ST8SIA5: variants seen among roughly 807,000 people sequenced by gnomAD.
ST8SIA5 encodes the protein ST8 alpha-N-acetyl-neuraminide alpha-2,8-sialyltransferase 5, also known as alpha-2,8-sialyltransferase 8E.
A neutral mutation model predicts 40.2 loss-of-function variants in ST8SIA5; 24 were observed. That is an observed-to-expected ratio of 0.60 (90% CI 0.43 to 0.84). The LOEUF (loss-of-function observed/expected upper bound fraction) is 0.84, where lower values mean the gene tolerates loss of function less well. Ranked by LOEUF, ST8SIA5 falls within the 40% of genes least tolerant of loss-of-function variation. The probability of loss-of-function intolerance (pLI) is 0.00; values close to 1 mark genes in which losing one functional copy is unlikely to be tolerated. For synonymous variants in ST8SIA5, 198 were observed against 201.8 expected (o/e 0.98, Z 0.16); for missense variants, 465 against 498.5 (o/e 0.93, Z 0.64).
At chr18:46,739,190 C>A (rs752940721) in intron 1 of ST8SIA5, among the ~76,000 whole-genome samples, 2 of 152,076 alleles carry the variant, frequency 1.3e-5, no homozygotes, top group Non-Finnish European at 2.9e-5. Context: ...GAGGGGACAG[C>A]GGGTCGGAGG....
At position 46,680,083 on chromosome 18, in the gene ST8SIA5, C is replaced by G. The variant is rs747257419; in HGVS notation, c.1090G>C (p.Gly364Arg). 3 of 1,613,820 alleles carry G rather than the reference C, an allele frequency of 1.9e-6. No homozygotes were observed. The highest frequency in any genetic ancestry group is 2.5e-6 in the Non-Finnish European group (3 of 1,179,908). Residue 364 changes from glycine (G) to arginine (R), a missense_variant, in exon 7 of 7, where the codon GGC (glycine) becomes CGC (arginine). Coordinates refer to ENST00000315087, the MANE Select transcript of ST8SIA5 (RefSeq NM_013305.6). ...IFNFLHLHSR[G>R]ILRVHTGTCS... ...GTGCCCGTGTGCACGCGGAGGATGC[C>G]TCGGCTGTGCAAGTGCAGGAAGTTG...
chr18:46,740,309 G>GA (rs1198609005), intron 1 of ST8SIA5, among the ~76,000 whole-genome samples: 1 of 151,872 alleles, frequency 6.6e-6, no homozygotes, highest in Non-Finnish European at 1.5e-5. Context: ...CTAAAGCCAA[G>GA]AAAGCACAAA....
intron 1 of ST8SIA5, among the ~76,000 whole-genome samples, chr18:46,708,164 C>A (rs367910156): frequency 2.0e-5 from 3 of 152,194 alleles, no homozygotes; most frequent in Non-Finnish European, 2.9e-5. Flanking sequence ...CTAAAGAGCA[C>A]GTGATACCAG....
chr18:46,697,291 G>A (rs1270595554), intron 2 of ST8SIA5, among the ~76,000 whole-genome samples: 5 of 152,156 alleles, frequency 3.3e-5, no homozygotes, highest in Admixed American at 3.3e-4. Flanking sequence ...TCAACCTGAA[G>A]TGAGACCAAG....
intron 1 of ST8SIA5, chr18:46,730,456 A>T (rs2039975026): frequency 6.2e-6 from 1 of 161,260 alleles, no homozygotes; most frequent in African/African-American, 2.4e-5. Context: ...GTTTGCATAA[A>T]GAAAAGATAA....
At chr18:46,705,874 C>T (rs979553608) in intron 1 of ST8SIA5, among the ~76,000 whole-genome samples, 2 of 152,244 alleles carry the variant, frequency 1.3e-5, no homozygotes, top group African/African-American at 2.4e-5. Flanking sequence ...AATTAGGCAT[C>T]GCTCAAGCAT....
At position 46,680,132 on chromosome 18, in the gene ST8SIA5, G is replaced by A; in HGVS notation, c.1041C>T (p.Phe347=). The A allele has an allele frequency of 6.2e-7, 1 of 1,614,228 alleles. No homozygotes were observed. Among genetic ancestry groups the A allele is most frequent in the East Asian group, 2.2e-5 (1 of 44,874 alleles). The part of the protein sequence containing the change: ...YYDNVKPRPG[F]HAMPSEIFNF... ...TGAAGATCTCAGAGGGCATGGCGTG[G>A]AAGCCGGGACGCGGCTTGACGTTGT... The change falls in exon 7 of 7, where the codon TTC becomes TTT. Residue 347 remains phenylalanine (F), a synonymous_variant. Coordinates refer to ENST00000315087, the MANE Select transcript of ST8SIA5 (RefSeq NM_013305.6).
intron 2 of ST8SIA5, among the ~76,000 whole-genome samples, chr18:46,700,102 G>C (rs1158369224): frequency 2.0e-5 from 3 of 152,210 alleles, no homozygotes; most frequent in African/African-American, 7.2e-5. Flanking sequence ...CTAGATGACA[G>C]GTGTAAATAA....
intron 1 of ST8SIA5, among the ~76,000 whole-genome samples, chr18:46,721,852 CCAGA>C (rs2039867389): frequency 6.6e-6 from 1 of 152,208 alleles, no homozygotes; most frequent in Non-Finnish European, 1.5e-5. Flanking sequence ...TCCTCAAAAG[CCAGA>C]CACACTTCAG....
At chr18:46,717,805 C>A (rs2039807434) in intron 1 of ST8SIA5, among the ~76,000 whole-genome samples, 1 of 152,166 alleles carries the variant, frequency 6.6e-6, no homozygotes, top group Non-Finnish European at 1.5e-5. Context: ...TTCTTTCTTA[C>A]CAATAGCCTT....
At chr18:46,735,814 T>G (rs1472454304) in intron 1 of ST8SIA5, among the ~76,000 whole-genome samples, 1 of 152,080 alleles carries the variant, frequency 6.6e-6, no homozygotes, top group African/African-American at 2.4e-5. Context: ...GGTATCACTC[T>G]GCTGCCCAGG....
intron 1 of ST8SIA5, among the ~76,000 whole-genome samples, chr18:46,714,989 C>T (rs2039772534): frequency 6.6e-6 from 1 of 152,176 alleles, no homozygotes; most frequent in Non-Finnish European, 1.5e-5. Flanking sequence ...CCACTTCCAC[C>T]AGCAGCCTCA....
intron 5 of ST8SIA5, among the ~76,000 whole-genome samples, chr18:46,684,212 T>A (rs1235359050): frequency 6.6e-6 from 1 of 152,098 alleles, no homozygotes; most frequent in East Asian, 1.9e-4. Flanking sequence ...AGGGAGACAT[T>A]TACTATCATA....
intron 1 of ST8SIA5, among the ~76,000 whole-genome samples, chr18:46,729,977 T>A (rs954162306): frequency 4.6e-5 from 7 of 152,112 alleles, no homozygotes; most frequent in Non-Finnish European, 2.9e-5. Flanking sequence ...CAGAAATTGT[T>A]AGTTCTCAGT....
intron 2 of ST8SIA5, among the ~76,000 whole-genome samples, chr18:46,702,143 T>A (rs1227183481): frequency 1.1e-5 from 1 of 93,564 alleles, no homozygotes. Flanking sequence ...TGAGACTCCA[T>A]CTCAAAAAAA....
In ST8SIA5 at chr18:46,675,685, A is replaced by C. The variant is rs570669576; in HGVS notation, c.*4357T>G. On this transcript the variant is annotated 3_prime_UTR_variant, in exon 7 of 7. Coordinates refer to ENST00000315087, the MANE Select transcript of ST8SIA5 (RefSeq NM_013305.6). ...GATGAATCCACAAAGGAACCTGAGA[A>C]GGAGCATTCAGAGAGACAGGAGGAA... is the stretch of plus-strand genomic sequence containing the variant. The C allele has an allele frequency of 6.6e-6, 1 of 152,380 alleles. No individual in the cohort carries two copies. Among genetic ancestry groups the C allele is most frequent in the Non-Finnish European group, 1.5e-5 (1 of 68,082 alleles). 9.4% of individuals were successfully genotyped at this position (152,380 alleles called of 1,614,324 possible).
At chr18:46,721,453 A>T in intron 1 of ST8SIA5, 1 of 1,536,140 alleles carries the variant, frequency 6.5e-7, no homozygotes, top group Non-Finnish European at 8.7e-7. Flanking sequence ...CCACTCTGCC[A>T]ACCAAACTGG....
chr18:46,711,825 G>A (rs1050061370), intron 1 of ST8SIA5, among the ~76,000 whole-genome samples: 4 of 152,196 alleles, frequency 2.6e-5, no homozygotes, highest in African/African-American at 4.8e-5. Flanking sequence ...TCCATGGCCC[G>A]GCTCAGCAGC....
At chr18:46,750,239 T>C (rs2040183580) in intron 1 of ST8SIA5, among the ~76,000 whole-genome samples, 1 of 152,200 alleles carries the variant, frequency 6.6e-6, no homozygotes, top group African/African-American at 2.4e-5. Context: ...GACCAGATTA[T>C]TAAAATCTAC....
Sources: allele counts gnomAD v4.1 joint callset (sites outside exome capture counted in the v4.1 genomes callset), GRCh38; gene constraint gnomAD v4.1.1; transcripts MANE v1.5; gene names NCBI Gene and HGNC (gene_info 2026-07-23, HGNC 2026-07-21).